The following MYO9B variants were observed in gnomAD, a reference collection of about 807,000 sequenced individuals.
The protein encoded by MYO9B is myosin IXB, also known as unconventional myosin-IXb.
A neutral mutation model predicts 229.5 loss-of-function variants in MYO9B; 71 were observed. That is an observed-to-expected ratio of 0.31 (90% CI 0.26 to 0.38). MYO9B has a LOEUF of 0.38. MYO9B is among the 10% of genes least tolerant of loss of function. MYO9B has a pLI of 1.00. For missense variants in MYO9B, 2,255 were observed against 2,920.5 expected (o/e 0.77, Z 5.25); for synonymous variants, 1,185 against 1,235.8 (o/e 0.96, Z 0.86).
chr19:17,127,855 C>T (rs1239438923), intron 2 of MYO9B, among the ~76,000 whole-genome samples: 3 of 152,206 alleles, frequency 2.0e-5, no homozygotes, highest in African/African-American at 7.2e-5. Flanking sequence ...CACCACCTGC[C>T]CCTTCGCAGA....
At chr19:17,198,402 C>T (rs1482191597) in intron 24 of MYO9B, 94 bp downstream of exon 24, 6 of 1,529,952 alleles carry the variant, frequency 3.9e-6, no homozygotes, top group South Asian at 1.2e-5. Context: ...AAACCAATCA[C>T]GTTTACAAAG....
intron 15 of MYO9B, 72 bp from the exon 16 acceptor site, chr19:17,183,757 G>A: frequency 1.4e-5 from 19 of 1,353,158 alleles, no homozygotes; most frequent in Non-Finnish European, 1.8e-5. Context: ...GCCAGGCGTG[G>A]CTTGCTGAAC....
In MYO9B at chr19:17,198,259, TCCTC is replaced by T. The variant is rs1474248376; in HGVS notation, c.4196_4199del (p.Leu1399GlnfsTer53). The T allele has an allele frequency of 6.2e-7, 1 of 1,613,694 alleles. No individual in the cohort carries two copies. The highest frequency in any genetic ancestry group is 1.3e-5 in the African/African-American group (1 of 74,894). The stretch of plus-strand genomic sequence containing the variant: ...CCAGAAGAAGAAGCCAGGCGACGCA[TCCTC>T]CCTCCCAGACGCAGGGCTGTCCCCG... On this transcript the variant is annotated frameshift_variant, in exon 24 of 40. Transcript: ENST00000682292. LOFTEE classifies it high-confidence loss of function.
chr19:17,143,856 G>T (rs1380632569), intron 2 of MYO9B, among the ~76,000 whole-genome samples: 1 of 152,196 alleles, frequency 6.6e-6, no homozygotes, highest in East Asian at 1.9e-4. Flanking sequence ...GGGAGGTGGA[G>T]GTTGCAGTGA....
intron 2 of MYO9B, among the ~76,000 whole-genome samples, chr19:17,134,515 C>T (rs1336130232): frequency 6.6e-6 from 1 of 150,868 alleles, no homozygotes; most frequent in African/African-American, 2.4e-5. Flanking sequence ...TCTCAGCCTC[C>T]CCTGTAGCTG....
At chr19:17,167,473 ATT>A (rs36062777) in intron 10 of MYO9B, among the ~76,000 whole-genome samples, 9,456 of 117,352 alleles carry the variant, frequency 0.081, 226 homozygotes, top group Non-Finnish European at 0.099. Flanking sequence ...TATTAGAGCT[ATT>A]TTTTTTTTTT....
chr19:17,083,172 A>C (rs1244036220), intron 1 of MYO9B, among the ~76,000 whole-genome samples: 1 of 151,102 alleles, frequency 6.6e-6, no homozygotes, highest in Non-Finnish European at 1.5e-5. Context: ...GTAGCTTGGG[A>C]CTACAGGCTG....
intron 20 of MYO9B, 58 bp from the exon 21 acceptor site, chr19:17,192,688 G>C: frequency 7.0e-7 from 1 of 1,435,660 alleles, no homozygotes. Flanking sequence ...GACCTCCCAG[G>C]CACAGAGATG....
chr19:17,101,997 C>T lies in MYO9B; in HGVS notation c.280C>T (p.Arg94Trp), dbSNP rs1039268683. Reference sequence around the variant, plus strand: ...GCACCGGGTGCTGCTATGGCCCCGGCGGGCACAGGACGAGCACCCTCAGGA... The same window carrying T: ...GCACCGGGTGCTGCTATGGCCCCGGTGGGCACAGGACGAGCACCCTCAGGA... ...PVHRVLLWPR[R>W]AQDEHPQEDG... is the part of the protein sequence containing the mutation. The change falls in exon 2 of 40, where the codon CGG (arginine) becomes TGG (tryptophan). Residue 94 changes from arginine to tryptophan, a missense_variant. Physicochemically the swap from Arg to Trp is moderately radical, Grantham distance 101. Coordinates refer to ENST00000682292, the MANE Select transcript of MYO9B (RefSeq NM_004145.4). The surrounding 1 kb of genome is among the most constrained non-coding windows in gnomAD (Gnocchi z 4.7). The T allele has an allele frequency of 3.3e-5, 53 of 1,612,892 alleles. No individual in the cohort carries two copies. Among genetic ancestry groups the T allele is most frequent in the Non-Finnish European group, 4.3e-5 (51 of 1,179,866 alleles).
intron 4 of MYO9B, among the ~76,000 whole-genome samples, chr19:17,153,389 A>G (rs1285369691): frequency 6.6e-6 from 1 of 151,068 alleles, no homozygotes; most frequent in Non-Finnish European, 1.5e-5. Context: ...TCTTTTAAAA[A>G]AAAAAAAAAA....
chr19:17,197,580 G>C (rs1468880660), intron 22 of MYO9B, among the ~76,000 whole-genome samples: 1 of 152,132 alleles, frequency 6.6e-6, no homozygotes, highest in Non-Finnish European at 1.5e-5. Context: ...GTATTGAGTA[G>C]CATCCCTGCC....
chr19:17,174,952 A>G (rs374426378), intron 13 of MYO9B, among the ~76,000 whole-genome samples: 10 of 151,288 alleles, frequency 6.6e-5, no homozygotes, highest in Non-Finnish European at 1.3e-4. Flanking sequence ...AAATAAATAA[A>G]TAATAAATTA....
chr19:17,126,508 C>G (rs1030371609), intron 2 of MYO9B, among the ~76,000 whole-genome samples: 1 of 152,212 alleles, frequency 6.6e-6, no homozygotes, highest in African/African-American at 2.4e-5. Context: ...CACCCAGTCT[C>G]TGTCAGAATG....
chr19:17,202,924 C>A, intron 29 of MYO9B, 41 bp downstream of exon 29: 1 of 1,583,562 alleles, frequency 6.3e-7, no homozygotes, highest in Non-Finnish European at 8.6e-7. Flanking sequence ...AGCAGGCGAA[C>A]ATTGGCAGGA....
chr19:17,191,048 T>A, intron 19 of MYO9B, 49 bp from the exon 20 acceptor site: 1 of 1,581,296 alleles, frequency 6.3e-7, no homozygotes. Context: ...TCCTCATCGC[T>A]GGCCAGAACA....
In MYO9B at chr19:17,172,191, T is replaced by C. The variant is rs943125378; in HGVS notation, c.1794-145T>C. 7.9e-6 allele frequency: 8 copies of C among 1,006,982 alleles called. No individual in the cohort carries two copies. Among genetic ancestry groups the C allele is most frequent in the Non-Finnish European group, 1.1e-5 (8 of 700,780 alleles). The allele number at this position is 1,006,982 out of a possible 1,614,324, so 62.4% of individuals were successfully genotyped here. The stretch of plus-strand genomic sequence containing the variant: ...TTCTTCACTCCTTCACCCACCCCTC[T>C]GTGCACAGAGCCCTGTGCCACTTCA... On this transcript the variant is annotated intron_variant, in intron 11 of 39. Transcript: ENST00000682292. This position sits in a 1 kb window ranked among gnomAD's most constrained non-coding sequence, Gnocchi z 8.2.
intron 7 of MYO9B, among the ~76,000 whole-genome samples, chr19:17,158,299 C>T (rs1000252596): frequency 1.3e-5 from 2 of 152,176 alleles, no homozygotes; most frequent in Admixed American, 6.5e-5. Flanking sequence ...CAGCCAGGCA[C>T]GGTGGCTCAC....
At chr19:17,152,746 C>A (rs762720459) in intron 4 of MYO9B, 40 bp downstream of exon 4, 1 of 1,538,782 alleles carries the variant, frequency 6.5e-7, no homozygotes, top group Non-Finnish European at 9.0e-7. Flanking sequence ...AATGCCACGC[C>A]ATGTCTACGT....
At chr19:17,209,496 G>A (rs2073201331) in intron 35 of MYO9B, 90 bp from the exon 36 acceptor site, 1 of 1,416,776 alleles carries the variant, frequency 7.1e-7, no homozygotes, top group Non-Finnish European at 9.5e-7. Context: ...CTCAACCACT[G>A]CCCCCCAGGC....
Sources: allele counts gnomAD v4.1 joint callset (sites outside exome capture counted in the v4.1 genomes callset), GRCh38; gene constraint gnomAD v4.1.1; non-coding constraint Gnocchi (gnomAD v3.1); transcripts MANE v1.5; gene names NCBI Gene and HGNC (gene_info 2026-07-23, HGNC 2026-07-21).